Variants in C12orf42 observed in about 807,000 individuals in gnomAD.
C12orf42 encodes the protein chromosome 12 open reading frame 42.
A neutral mutation model predicts 21.6 loss-of-function variants in C12orf42; 25 were observed. The ratio of observed to expected loss-of-function variants is 1.16; its 90% CI spans 0.84 to 1.62. The LOEUF (loss-of-function observed/expected upper bound fraction) is 1.62, where lower values mean the gene tolerates loss of function less well. Among genes scored for constraint, C12orf42 ranks in the 40% most tolerant of loss-of-function variants. C12orf42 has a pLI of 0.00. For synonymous variants in C12orf42, 174 were observed against 175.0 expected, an observed-to-expected ratio of 0.99 and a Z score of 0.05; for missense variants, 483 against 459.3, an observed-to-expected ratio of 1.05 and a Z score of -0.47.
At chr12:103,538,597 G>C in the C12orf42 span, among the ~76,000 whole-genome samples, 1 of 152,234 alleles carries the variant, frequency 6.6e-6, no homozygotes, top group Non-Finnish European at 1.5e-5. Context: ...AAGTTTGTCA[G>C]ACCTCCAGGC....
the C12orf42 span, among the ~76,000 whole-genome samples, chr12:103,561,053 C>T: frequency 6.6e-6 from 1 of 152,120 alleles, no homozygotes; most frequent in African/African-American, 2.4e-5. Flanking sequence ...GGAATCAGGC[C>T]CTATCCCAGC....
At chr12:103,289,424 G>A (rs2036660416) in intron 4 of C12orf42, among the ~76,000 whole-genome samples, 1 of 151,992 alleles carries the variant, frequency 6.6e-6, no homozygotes, top group Non-Finnish European at 1.5e-5. Context: ...GTTAAATCTT[G>A]CATGCATTTT....
the C12orf42 span, among the ~76,000 whole-genome samples, chr12:103,149,870 T>C: frequency 2.0e-5 from 3 of 152,214 alleles, no homozygotes; most frequent in Admixed American, 6.5e-5. Flanking sequence ...AGATTTCATT[T>C]TTTTATTCAC....
At chr12:103,198,074 C>A in the C12orf42 span, among the ~76,000 whole-genome samples, 5,387 of 152,258 alleles carry the variant, frequency 0.035, 110 homozygotes, top group Admixed American at 0.054. Flanking sequence ...AGTAGCAGCA[C>A]CTGTGCACAT....
At chr12:103,294,458 GAAAGA>G (rs1303363187) in intron 4 of C12orf42, among the ~76,000 whole-genome samples, 100 of 114,742 alleles carry the variant, frequency 8.7e-4, no homozygotes, top group African/African-American at 3.7e-3. Flanking sequence ...AAGAAAGAAA[GAAAGA>G]AAGAAAGAAA....
At chr12:103,393,611 C>A (rs1193868400) in intron 3 of C12orf42, among the ~76,000 whole-genome samples, 1 of 152,188 alleles carries the variant, frequency 6.6e-6, no homozygotes, top group African/African-American at 2.4e-5. Flanking sequence ...GTATCACTAT[C>A]ACTATCTGGA....
intron 10 of C12orf42, among the ~76,000 whole-genome samples, chr12:103,239,079 A>T (rs535442103): frequency 6.6e-6 from 1 of 152,178 alleles, no homozygotes; most frequent in African/African-American, 2.4e-5. Context: ...AGTAAGAATT[A>T]GTGCATATGG....
chr12:103,402,179 C>T (rs1358345699), intron 2 of C12orf42, among the ~76,000 whole-genome samples: 6 of 151,980 alleles, frequency 3.9e-5, no homozygotes, highest in African/African-American at 9.7e-5. Flanking sequence ...TTGCTTGGCA[C>T]GTAGAATTAT....
chr12:103,337,554 A>G (rs772792342), intron 4 of C12orf42, among the ~76,000 whole-genome samples: 2 of 152,098 alleles, frequency 1.3e-5, no homozygotes, highest in African/African-American at 2.4e-5. Context: ...GGGTTTCACA[A>G]TGTTGGCCAG....
the C12orf42 span, among the ~76,000 whole-genome samples, chr12:103,518,643 T>G: frequency 6.6e-6 from 1 of 152,232 alleles, no homozygotes; most frequent in South Asian, 2.1e-4. Flanking sequence ...ACATATAAAG[T>G]TAGAAACTTT....
rs80037141 is a variant in C12orf42, at chr12:103,356,184, T to C, written c.259+12703A>G. On this transcript the variant is annotated intron_variant, in intron 4 of 5. Coordinates refer to ENST00000548883, the MANE Select transcript of C12orf42 (RefSeq NM_198521.5). ...TGGCTTCTCAGCTTCCTCCCTTTTA[T>C]GCCTCCTCCCTTCTCTTGATCATCT... is the stretch of plus-strand genomic sequence containing the variant. Among the ~76,000 whole-genome samples the C allele has an allele frequency of 8.2e-3, 1,251 of 152,242 alleles. 36 individuals are homozygous for C. The highest frequency in any genetic ancestry group is 0.036 in the Admixed American group (554 of 15,268).
chr12:103,387,876 A>G (rs1235220212), intron 3 of C12orf42, among the ~76,000 whole-genome samples: 1 of 151,606 alleles, frequency 6.6e-6, no homozygotes. Flanking sequence ...TCACTTTTCT[A>G]ACTGATATTC....
the C12orf42 span, chr12:103,162,942 A>T: frequency 6.6e-6 from 1 of 152,230 alleles, no homozygotes; most frequent in South Asian, 2.1e-4. Flanking sequence ...CATCCCATGG[A>T]TTCATGAGGT....
chr12:103,269,472 G>T (rs1388198193), intron 6 of C12orf42, among the ~76,000 whole-genome samples: 1 of 152,066 alleles, frequency 6.6e-6, no homozygotes, highest in Non-Finnish European at 1.5e-5. Flanking sequence ...TCATAATAAT[G>T]GTTTTTGGAA....
intron 4 of C12orf42, among the ~76,000 whole-genome samples, chr12:103,319,547 A>G (rs761613472): frequency 6.6e-6 from 1 of 152,250 alleles, no homozygotes; most frequent in Non-Finnish European, 1.5e-5. Context: ...GACAGACCCT[A>G]TTCTTGCATT....
At chr12:103,102,477 G>T in the C12orf42 span, among the ~76,000 whole-genome samples, 1 of 152,062 alleles carries the variant, frequency 6.6e-6, no homozygotes, top group Non-Finnish European at 1.5e-5. Flanking sequence ...GTCTTACTAG[G>T]GTGTCCAAGG....
At chr12:103,313,355 T>A (rs1289448645) in intron 4 of C12orf42, among the ~76,000 whole-genome samples, 2 of 152,194 alleles carry the variant, frequency 1.3e-5, no homozygotes, top group Non-Finnish European at 2.9e-5. Flanking sequence ...TTTAGCTAAC[T>A]GGGGAGTGAA....
chr12:103,120,843 A>G, the C12orf42 span, among the ~76,000 whole-genome samples: 1 of 151,240 alleles, frequency 6.6e-6, no homozygotes, highest in African/African-American at 2.4e-5. Flanking sequence ...TTATTATTAT[A>G]CTCCTGGATT....
chr12:103,522,306 C>T, the C12orf42 span, among the ~76,000 whole-genome samples: 10 of 152,164 alleles, frequency 6.6e-5, no homozygotes, highest in Admixed American at 4.6e-4. Flanking sequence ...GTGAGGTCTC[C>T]CCAGCCATGT....
Sources: allele counts gnomAD v4.1 joint callset (sites outside exome capture counted in the v4.1 genomes callset), GRCh38; gene constraint gnomAD v4.1.1; transcripts MANE v1.5; gene names NCBI Gene and HGNC (gene_info 2026-07-23, HGNC 2026-07-21).